Variants in CACNA2D1 observed in about 807,000 individuals in gnomAD.
The protein encoded by CACNA2D1 is calcium voltage-gated channel auxiliary subunit alpha2delta 1.
In CACNA2D1, 53 loss-of-function variants were observed where a neutral mutation model predicts 171.5. The observed-to-expected ratio is 0.31, with a 90% confidence interval of 0.25 to 0.39. CACNA2D1 has a LOEUF of 0.39. Among genes scored for constraint, CACNA2D1 ranks in the 10% least tolerant of loss-of-function variants. The probability of loss-of-function intolerance (pLI) is 1.00; values close to 1 mark genes in which losing one functional copy is unlikely to be tolerated. For missense variants in CACNA2D1, 903 were observed against 1,299.8 expected (o/e 0.69, Z 4.69); for synonymous variants, 442 against 443.1 (o/e 1.00, Z 0.03).
chr7:82,152,089 A>G (rs143335190), intron 4 of CACNA2D1, among the ~76,000 whole-genome samples: 247 of 152,146 alleles, frequency 1.6e-3, no homozygotes, highest in African/African-American at 5.7e-3. Context: ...TCCAAAGTTA[A>G]ATGTATCAAA....
chr7:82,334,468 G>A (rs1253537394), intron 3 of CACNA2D1, among the ~76,000 whole-genome samples: 5 of 152,084 alleles, frequency 3.3e-5, no homozygotes, highest in Admixed American at 1.3e-4. Context: ...AAGAAATTGA[G>A]ATACATCCTC....
chr7:82,134,439 T>A (rs1208932438), intron 5 of CACNA2D1, among the ~76,000 whole-genome samples: 2 of 152,180 alleles, frequency 1.3e-5, no homozygotes, highest in Non-Finnish European at 2.9e-5. Context: ...TTATTCTGAT[T>A]CCTATTCTAG....
intron 4 of CACNA2D1, among the ~76,000 whole-genome samples, chr7:82,137,816 C>T (rs1014882380): frequency 6.6e-6 from 1 of 151,504 alleles, no homozygotes; most frequent in African/African-American, 2.4e-5. Flanking sequence ...GGAGGCGGAG[C>T]TTGCAGTGAG....
intron 3 of CACNA2D1, among the ~76,000 whole-genome samples, chr7:82,326,998 G>A (rs1296076217): frequency 6.6e-6 from 1 of 152,176 alleles, no homozygotes; most frequent in Non-Finnish European, 1.5e-5. Flanking sequence ...ATTGCGCCAA[G>A]CCATATTAGA....
intron 6 of CACNA2D1, among the ~76,000 whole-genome samples, chr7:82,090,742 T>G (rs1035567823): frequency 6.6e-6 from 1 of 152,126 alleles, no homozygotes; most frequent in Non-Finnish European, 1.5e-5. Context: ...AATCTAGTTT[T>G]TAATGCCCTT....
At chr7:82,056,900 A>C (rs924116917) in intron 10 of CACNA2D1, among the ~76,000 whole-genome samples, 3 of 151,992 alleles carry the variant, frequency 2.0e-5, no homozygotes, top group Non-Finnish European at 4.4e-5. Flanking sequence ...AACACATGTT[A>C]TAGTACAGGG....
At chr7:82,287,555 A>T (rs1017664721) in intron 3 of CACNA2D1, among the ~76,000 whole-genome samples, 3 of 152,172 alleles carry the variant, frequency 2.0e-5, no homozygotes, top group African/African-American at 7.2e-5. Flanking sequence ...CAGCTGAGAA[A>T]GGAAATGAAT....
chr7:82,307,911 C>G (rs1813937581), intron 3 of CACNA2D1, among the ~76,000 whole-genome samples: 1 of 152,180 alleles, frequency 6.6e-6, no homozygotes. Context: ...AAAGATTTTA[C>G]AAGAGCTCTA....
chr7:82,030,211 G>C (rs1802505602), intron 12 of CACNA2D1, among the ~76,000 whole-genome samples: 1 of 151,554 alleles, frequency 6.6e-6, no homozygotes, highest in South Asian at 2.1e-4. Context: ...TCCATACATA[G>C]AAAAGAAGCT....
chr7:82,349,671 A>T, intron 1 of CACNA2D1, 22 bp from the exon 2 acceptor site: 1 of 1,559,946 alleles, frequency 6.4e-7, no homozygotes, highest in Non-Finnish European at 8.8e-7. Context: ...AGAAAAGATT[A>T]TGTTCTATCA....
chr7:82,042,763 C>T (rs1008803996), intron 10 of CACNA2D1, among the ~76,000 whole-genome samples: 1 of 152,100 alleles, frequency 6.6e-6, no homozygotes. Context: ...GTTCCTCTGC[C>T]TACAATACTT....
intron 21 of CACNA2D1, among the ~76,000 whole-genome samples, chr7:81,986,255 C>T (rs1796955740): frequency 6.6e-6 from 1 of 152,124 alleles, no homozygotes; most frequent in South Asian, 2.1e-4. Flanking sequence ...CACTTGGTCA[C>T]CTTCAGCATC....
In CACNA2D1 at chr7:81,952,374, T is replaced by G. The variant is rs536362136; in HGVS notation, c.3160-1866A>C. Among the ~76,000 whole-genome samples the G allele has an allele frequency of 7.9e-5, 12 of 152,176 alleles. No individual in the cohort carries two copies. In the South Asian group the frequency reaches 2.5e-3, roughly 32 times the overall value. On this transcript the variant is annotated intron_variant, in intron 38 of 38. Transcript: ENST00000356860. ...AGTGCTGCCACACAGTAAATAAAAT[T>G]ATTTCTTTAATTGTATTTTAAGGCA...
At chr7:82,332,609 T>C (rs1484627074) in intron 3 of CACNA2D1, among the ~76,000 whole-genome samples, 1 of 150,018 alleles carries the variant, frequency 6.7e-6, no homozygotes, top group Non-Finnish European at 1.5e-5. Context: ...TTATAAAAGA[T>C]AGTAAACAAA....
intron 1 of CACNA2D1, among the ~76,000 whole-genome samples, chr7:82,413,434 C>T (rs1317443297): frequency 6.6e-6 from 1 of 152,216 alleles, no homozygotes; most frequent in Non-Finnish European, 1.5e-5. Context: ...GAGCTTCACT[C>T]TCATGACCCA....
At chr7:82,105,947 GA>G (rs1169022912) in intron 6 of CACNA2D1, among the ~76,000 whole-genome samples, 1 of 152,034 alleles carries the variant, frequency 6.6e-6, no homozygotes, top group Non-Finnish European at 1.5e-5. Context: ...ACTATTTTAT[GA>G]TACTCTATAA....
chr7:82,189,980 T>A (rs1212968334), intron 3 of CACNA2D1, among the ~76,000 whole-genome samples: 1 of 151,948 alleles, frequency 6.6e-6, no homozygotes, highest in African/African-American at 2.4e-5. Context: ...ATTTCAAAGA[T>A]AAGTGATTTA....
chr7:82,305,303 A>T (rs1243423309), intron 3 of CACNA2D1, among the ~76,000 whole-genome samples: 2 of 152,188 alleles, frequency 1.3e-5, no homozygotes, highest in Non-Finnish European at 2.9e-5. Context: ...GGGAACCAAA[A>T]ATATTTCGCT....
intron 10 of CACNA2D1, among the ~76,000 whole-genome samples, chr7:82,038,613 A>T (rs778638599): frequency 6.6e-6 from 1 of 152,228 alleles, no homozygotes; most frequent in Non-Finnish European, 1.5e-5. Flanking sequence ...TTGTGTGGAC[A>T]TGTTAAATAT....
Sources: allele counts gnomAD v4.1 joint callset (sites outside exome capture counted in the v4.1 genomes callset), GRCh38; gene constraint gnomAD v4.1.1; transcripts MANE v1.5; gene names NCBI Gene and HGNC (gene_info 2026-07-23, HGNC 2026-07-21).